The following SGCZ variants were observed in gnomAD, a reference collection of about 807,000 sequenced individuals.
SGCZ encodes sarcoglycan zeta.
SGCZ carries 40 observed loss-of-function variants against 41.3 expected under a neutral mutation model. The observed-to-expected ratio is 0.97, with a 90% CI of 0.75 to 1.26. The LOEUF (loss-of-function observed/expected upper bound fraction) is 1.26, where lower values mean the gene tolerates loss of function less well. Among genes scored for constraint, SGCZ ranks in the 50% most tolerant of loss-of-function variants. SGCZ has a pLI of 0.00. For synonymous variants in SGCZ, 206 were observed against 137.5 expected (o/e 1.50, Z -3.49); for missense variants, 552 against 369.8 (o/e 1.49, Z -4.04).
chr8:14,476,194 A>C (rs1264632015), intron 2 of SGCZ, among the ~76,000 whole-genome samples: 1 of 152,272 alleles, frequency 6.6e-6, no homozygotes, highest in Admixed American at 6.5e-5. Context: ...TTTCTGTATT[A>C]GCATTTGAAT....
intron 1 of SGCZ, among the ~76,000 whole-genome samples, chr8:14,827,156 T>C (rs1460008027): frequency 7.5e-6 from 1 of 132,480 alleles, no homozygotes; most frequent in African/African-American, 3.2e-5. Flanking sequence ...GTTCCAAGAA[T>C]GGAAGTTTCA....
intron 1 of SGCZ, among the ~76,000 whole-genome samples, chr8:14,641,906 G>C (rs890933476): frequency 6.6e-6 from 1 of 151,626 alleles, no homozygotes; most frequent in African/African-American, 2.4e-5. Flanking sequence ...AAATAGCTTA[G>C]AGTGACTAAG....
At chr8:14,819,732 G>T (rs768906996) in intron 1 of SGCZ, among the ~76,000 whole-genome samples, 14 of 152,132 alleles carry the variant, frequency 9.2e-5, no homozygotes, top group Non-Finnish European at 1.8e-4. Flanking sequence ...ATTCATTGTA[G>T]AGAAGAGGGA....
intron 2 of SGCZ, among the ~76,000 whole-genome samples, chr8:14,325,523 T>A (rs1008511448): frequency 2.7e-4 from 40 of 147,462 alleles, no homozygotes; most frequent in Admixed American, 1.5e-3. Context: ...ATATAATAGA[T>A]ATATAATCAA....
chr8:14,982,183 T>C (rs79352122), intron 1 of SGCZ, among the ~76,000 whole-genome samples: 9,153 of 151,320 alleles, frequency 0.06, 613 homozygotes, highest in African/African-American at 0.16. Context: ...GGAAATGACA[T>C]TATTTGAAAA....
chr8:15,095,341 C>A lies in SGCZ; in HGVS notation c.39+142244G>T, dbSNP rs146556049. Among the ~76,000 whole-genome samples, 30 of 152,216 alleles carry A rather than the reference C, an allele frequency of 2.0e-4. No homozygotes were observed. The East Asian group carries it at 5.6e-3, about 29-fold the overall frequency. ...CTCAAATTCCTGACCTCAAGTGATGCGCCTGCCTCGGCCTCCCAAAGTGCT... is the reference window on the plus strand; with the variant it reads ...CTCAAATTCCTGACCTCAAGTGATGAGCCTGCCTCGGCCTCCCAAAGTGCT... On this transcript the variant is annotated intron_variant, in intron 1 of 7. Transcript: ENST00000382080.
chr8:14,295,545 A>G (rs1330262034), intron 3 of SGCZ, among the ~76,000 whole-genome samples: 1 of 152,122 alleles, frequency 6.6e-6, no homozygotes, highest in East Asian at 1.9e-4. Flanking sequence ...CTTAGGCTCT[A>G]TTTTCTAGTT....
chr8:14,315,963 G>C (rs530988154), intron 3 of SGCZ, among the ~76,000 whole-genome samples: 5 of 151,540 alleles, frequency 3.3e-5, no homozygotes, highest in Middle Eastern at 3.3e-3. Context: ...GGAAAATTTT[G>C]TACGAATACA....
At chr8:14,907,775 G>A (rs1163652604) in intron 1 of SGCZ, among the ~76,000 whole-genome samples, 4 of 152,128 alleles carry the variant, frequency 2.6e-5, no homozygotes, top group Non-Finnish European at 5.9e-5. Flanking sequence ...ACAGAAATGA[G>A]CCACAATTCA....
chr8:14,646,465 A>G (rs1044360281), intron 1 of SGCZ, among the ~76,000 whole-genome samples: 18 of 151,870 alleles, frequency 1.2e-4, no homozygotes, highest in African/African-American at 4.3e-4. Flanking sequence ...ATGGGCACTT[A>G]GGCACTTAGG....
At chr8:14,994,974 A>G (rs938596675) in intron 1 of SGCZ, among the ~76,000 whole-genome samples, 1 of 152,202 alleles carries the variant, frequency 6.6e-6, no homozygotes, top group Non-Finnish European at 1.5e-5. Context: ...CCCTAATATT[A>G]TGTGTTGTTC....
chr8:15,087,127 T>C (rs1182443861), intron 1 of SGCZ, among the ~76,000 whole-genome samples: 1 of 151,992 alleles, frequency 6.6e-6, no homozygotes, highest in Admixed American at 6.6e-5. Flanking sequence ...GTCCCTAAAA[T>C]GAAGATAATA....
intron 2 of SGCZ, among the ~76,000 whole-genome samples, chr8:14,399,759 T>C (rs1445867602): frequency 6.6e-6 from 1 of 152,174 alleles, no homozygotes; most frequent in Non-Finnish European, 1.5e-5. Flanking sequence ...GTATTTTACA[T>C]TTTCTAAAAT....
At chr8:14,250,990 G>T (rs1799263146) in intron 3 of SGCZ, among the ~76,000 whole-genome samples, 1 of 152,142 alleles carries the variant, frequency 6.6e-6, no homozygotes, top group South Asian at 2.1e-4. Flanking sequence ...CATTTTGGGA[G>T]GCTGAGGTGG....
chr8:14,145,807 C>T (rs978623609), intron 5 of SGCZ, among the ~76,000 whole-genome samples: 18 of 152,198 alleles, frequency 1.2e-4, no homozygotes, highest in Non-Finnish European at 2.4e-4. Context: ...AACTGGCATA[C>T]TGAAGAACAC....
chr8:14,472,416 T>C (rs557976395), intron 2 of SGCZ, among the ~76,000 whole-genome samples: 1 of 152,198 alleles, frequency 6.6e-6, no homozygotes, highest in East Asian at 1.9e-4. Flanking sequence ...TGTCTTTGAG[T>C]CTGAATAGTG....
intron 4 of SGCZ, among the ~76,000 whole-genome samples, chr8:14,182,254 T>C (rs80163684): frequency 0.027 from 4,125 of 152,240 alleles, 173 homozygotes; most frequent in African/African-American, 0.094. Context: ...TGTCCACTGA[T>C]TGAACCCTGA....
chr8:15,145,120 A>G (rs755669593), intron 1 of SGCZ, among the ~76,000 whole-genome samples: 1 of 152,128 alleles, frequency 6.6e-6, no homozygotes, highest in Non-Finnish European at 1.5e-5. Flanking sequence ...TTATTCCCCA[A>G]GCCCTGCCGT....
rs539828160 is a variant in SGCZ at position 14,826,348 on chromosome 8, C to A, written c.40-271422G>T. ...CAGTCTATCATGGTTGGACATTTGG[C>A]TTGGTTCCAAGTCTTTGCTATTGTG... On this transcript the variant is annotated intron_variant, in intron 1 of 7. Transcript: ENST00000382080. 1.0e-3 allele frequency among the ~76,000 whole-genome samples: 158 copies of A among 152,138 alleles called. 2 individuals are homozygous for A. Among genetic ancestry groups the A allele is most frequent in the Non-Finnish European group, 1.8e-3 (123 of 67,998 alleles).
Sources: allele counts gnomAD v4.1 joint callset (sites outside exome capture counted in the v4.1 genomes callset), GRCh38; gene constraint gnomAD v4.1.1; transcripts MANE v1.5; gene names NCBI Gene and HGNC (gene_info 2026-07-23, HGNC 2026-07-21).